Variants in CUX2 observed in about 807,000 individuals in gnomAD.
CUX2 encodes the protein homeobox protein cut-like 2.
Under a neutral mutation model 144.8 loss-of-function variants are expected in CUX2, and 40 were observed. The ratio of observed to expected loss-of-function variants is 0.28; its 90% confidence interval spans 0.21 to 0.36. The LOEUF is 0.36. Among genes scored for constraint, CUX2 ranks in the 10% least tolerant of loss-of-function variants. CUX2 has a pLI of 1.00. For synonymous variants in CUX2, 827 were observed against 875.6 expected (o/e 0.94, Z 0.98); for missense variants, 1,615 against 1,994.0 (o/e 0.81, Z 3.62).
intron 16 of CUX2, among the ~76,000 whole-genome samples, chr12:111,313,228 A>ATT (rs1336966730): frequency 0.092 from 12,982 of 140,474 alleles, 1,143 homozygotes; most frequent in African/African-American, 0.22. Flanking sequence ...CACCTGGCTA[A>ATT]TTTTTTTTTT....
intron 1 of CUX2, among the ~76,000 whole-genome samples, chr12:111,040,131 A>G (rs1385375748): frequency 6.6e-6 from 1 of 151,754 alleles, no homozygotes; most frequent in Non-Finnish European, 1.5e-5. Context: ...TACAAAAAAT[A>G]AAAAAATTAG....
chr12:111,063,712 C>T (rs1019207403), intron 1 of CUX2, among the ~76,000 whole-genome samples: 2 of 152,194 alleles, frequency 1.3e-5, no homozygotes, highest in East Asian at 1.9e-4. Context: ...GGGGATTTGG[C>T]GGCCGCCCCT....
intron 1 of CUX2, among the ~76,000 whole-genome samples, chr12:111,159,879 G>A (rs947128280): frequency 6.6e-6 from 1 of 152,182 alleles, no homozygotes; most frequent in African/African-American, 2.4e-5. Flanking sequence ...ACAAAAATTA[G>A]CCAGGGAGGG....
At position 111,348,371 on chromosome 12, in the gene CUX2, T is replaced by G. The variant is rs1888918922; in HGVS notation, c.*46T>G. 6.5e-7 allele frequency: 1 copy of G among 1,527,054 alleles called. No homozygotes were observed. The highest frequency in any genetic ancestry group is 1.2e-5 in the South Asian group (1 of 83,308). 94.6% of individuals were successfully genotyped at this position (1,527,054 alleles called of 1,614,324 possible). A position where few individuals can be genotyped will look rare whatever the true frequency, so the allele number is the denominator to read the frequency against. On this transcript the variant is annotated 3_prime_UTR_variant, in exon 22 of 22. Coordinates refer to ENST00000261726, the MANE Select transcript of CUX2 (RefSeq NM_015267.4). ...GGACATACCCTGGTAACTACCTTCC[T>G]TCTCGCACTTACTCTCCTCAACAGG... is the stretch of plus-strand genomic sequence containing the variant.
chr12:111,175,556 C>T (rs1224403958), intron 1 of CUX2, among the ~76,000 whole-genome samples: 2 of 152,156 alleles, frequency 1.3e-5, no homozygotes, highest in Admixed American at 6.5e-5. Flanking sequence ...TGTGCTTTTC[C>T]CATCTCTTTG....
In CUX2 at chr12:111,135,026, G is replaced by A. The variant is rs528249463; in HGVS notation, c.64-79174G>A. The stretch of plus-strand genomic sequence containing the variant: ...AGAGCAGTGGCTGGGGTTCAGTTGT[G>A]TACTAGAAAGATTGCTCTGGGGACT... On this transcript the variant is annotated intron_variant, in intron 1 of 21. Transcript: ENST00000261726. Among the ~76,000 whole-genome samples, 21 of 152,290 alleles carry A rather than the reference G, an allele frequency of 1.4e-4. No individual in the cohort carries two copies. The South Asian group carries it at 4.4e-3, about 32-fold the overall frequency.
At chr12:111,115,242 G>T (rs528693247) in intron 1 of CUX2, among the ~76,000 whole-genome samples, 1 of 142,230 alleles carries the variant, frequency 7.0e-6, no homozygotes, top group Non-Finnish European at 1.5e-5. Flanking sequence ...TTGACATTGC[G>T]TTGAATCTGT....
intron 1 of CUX2, among the ~76,000 whole-genome samples, chr12:111,082,668 C>T (rs905816967): frequency 1.3e-5 from 2 of 152,126 alleles, no homozygotes; most frequent in African/African-American, 4.8e-5. Flanking sequence ...CCCTCCCAAA[C>T]AGAAGCTTCC....
intron 1 of CUX2, among the ~76,000 whole-genome samples, chr12:111,111,464 C>T (rs912358759): frequency 2.0e-5 from 3 of 152,174 alleles, no homozygotes; most frequent in African/African-American, 4.8e-5. Context: ...TGGGTCTCCC[C>T]GATCTCCAAG....
chr12:111,347,618 T>TGCCCCCC lies in CUX2; in HGVS notation c.3754_3755insGCCCCCC (p.Ser1252CysfsTer13). ...TCCTGGAATCCTACCGCCAGGCCAC[T>TGCCCCCC]CCCACCCAGACCCCACCCCGCAGAG... On this transcript the variant is annotated frameshift_variant, in exon 22 of 22. Transcript: ENST00000261726. LOFTEE classifies it low-confidence loss of function (END_TRUNC). The TGCCCCCC allele has an allele frequency of 1.4e-5, 22 of 1,517,604 alleles. No homozygotes were observed. The highest frequency in any genetic ancestry group is 2.2e-5 in the South Asian group (2 of 88,990). The allele number at this position is 1,517,604 out of a possible 1,614,324, so 94.0% of individuals were successfully genotyped here.
intron 1 of CUX2, among the ~76,000 whole-genome samples, chr12:111,200,866 G>A (rs1019759886): frequency 2.0e-5 from 3 of 152,124 alleles, no homozygotes; most frequent in African/African-American, 4.8e-5. Context: ...TAGCCTCCGC[G>A]GGGGCATTTA....
chr12:111,259,031 CTGTGTGTGTGTGTGTGTGTGTGTGTG>C (rs57814010), intron 3 of CUX2, among the ~76,000 whole-genome samples: 1 of 132,218 alleles, frequency 7.6e-6, no homozygotes, highest in Admixed American at 7.6e-5. Context: ...CCACACCCAG[CTGTGTGTGTGTGTGTGTGTGTGTGTG>C]TGTGTGTGTG....
intron 18 of CUX2, among the ~76,000 whole-genome samples, chr12:111,323,613 GA>G (rs145136400): frequency 0.026 from 3,971 of 151,932 alleles, 119 homozygotes; most frequent in East Asian, 0.072. Context: ...GCAATAGAGG[GA>G]GACCGTGTCT....
At chr12:111,339,452 C>T (rs1335083754) in intron 20 of CUX2, 1 of 152,206 alleles carries the variant, frequency 6.6e-6, no homozygotes, top group Non-Finnish European at 1.5e-5. Flanking sequence ...GGAACCGTCT[C>T]TTGTAGGGCT....
At chr12:111,243,762 G>T (rs1310948354) in intron 3 of CUX2, among the ~76,000 whole-genome samples, 1 of 152,064 alleles carries the variant, frequency 6.6e-6, no homozygotes, top group East Asian at 1.9e-4. Context: ...TTAAAACTGG[G>T]AAGGTCTTGA....
At chr12:111,168,333 T>C (rs1265107260) in intron 1 of CUX2, among the ~76,000 whole-genome samples, 2 of 151,178 alleles carry the variant, frequency 1.3e-5, no homozygotes, top group Non-Finnish European at 3.0e-5. Context: ...GCAGAAGATG[T>C]CACAAGCCCT....
chr12:111,274,678 G>A (rs958404073), intron 4 of CUX2, among the ~76,000 whole-genome samples: 1 of 152,156 alleles, frequency 6.6e-6, no homozygotes, highest in South Asian at 2.1e-4. Context: ...TTAGATTAAA[G>A]GATCAAAGTT....
intron 18 of CUX2, among the ~76,000 whole-genome samples, chr12:111,331,323 T>A (rs1489080263): frequency 6.6e-6 from 1 of 152,130 alleles, no homozygotes; most frequent in African/African-American, 2.4e-5. Flanking sequence ...CTTCCAGCTG[T>A]CATACATTTT....
chr12:111,066,350 T>C (rs1321818787), intron 1 of CUX2, among the ~76,000 whole-genome samples: 6 of 152,270 alleles, frequency 3.9e-5, no homozygotes, highest in African/African-American at 1.4e-4. Context: ...TCTTCCATGT[T>C]ACTGGACACT....
Sources: allele counts gnomAD v4.1 joint callset (sites outside exome capture counted in the v4.1 genomes callset), GRCh38; gene constraint gnomAD v4.1.1; transcripts MANE v1.5; gene names NCBI Gene and HGNC (gene_info 2026-07-23, HGNC 2026-07-21).